UTS2: variants seen among roughly 807,000 people sequenced by gnomAD.
UTS2 encodes urotensin 2.
Under a neutral mutation model 12.6 loss-of-function variants are expected in UTS2, and 10 were observed. The observed-to-expected ratio is 0.80, with a 90% CI of 0.49 to 1.35. The LOEUF is 1.35. Ranked by LOEUF, UTS2 falls within the 40% of genes most tolerant of loss-of-function variation. The pLI, the probability that UTS2 is intolerant of heterozygous loss-of-function variation, is 0.00. For synonymous variants in UTS2, 52 were observed against 50.0 expected (o/e 1.04, Z -0.17); for missense variants, 142 against 143.2 (o/e 0.99, Z 0.04).
At chr1:7,863,940 C>G in the UTS2 span, among the ~76,000 whole-genome samples, 2 of 152,340 alleles carry the variant, frequency 1.3e-5, no homozygotes, top group African/African-American at 4.8e-5. Flanking sequence ...GCGGGGCCTC[C>G]CTCTCCACGT....
chr1:7,853,157 G>T, upstream of UTS2: 1 of 1,484,324 alleles, frequency 6.7e-7, no homozygotes, highest in Non-Finnish European at 9.0e-7. Flanking sequence ...TATTGGCTAT[G>T]GAGGCTAAAA....
At chr1:7,880,586 C>T in the UTS2 span, among the ~76,000 whole-genome samples, 6 of 152,060 alleles carry the variant, frequency 3.9e-5, no homozygotes, top group Non-Finnish European at 8.8e-5. Flanking sequence ...AATTATTGGA[C>T]ACATACAACC....
At chr1:7,904,441 C>G in the UTS2 span, among the ~76,000 whole-genome samples, 160 of 151,448 alleles carry the variant, frequency 1.1e-3, no homozygotes, top group African/African-American at 3.7e-3. Context: ...TGTGCCACTG[C>G]ACTCCAACTT....
chr1:7,889,815 A>C, the UTS2 span, among the ~76,000 whole-genome samples: 13 of 151,786 alleles, frequency 8.6e-5, no homozygotes, highest in East Asian at 3.9e-4. Flanking sequence ...GCCTGTAATC[A>C]CAGCACTTTG....
At chr1:7,879,285 TA>T in the UTS2 span, among the ~76,000 whole-genome samples, 4 of 152,172 alleles carry the variant, frequency 2.6e-5, no homozygotes, top group Admixed American at 6.5e-5. Context: ...GACAAATTTT[TA>T]AAAGTCAAAA....
the UTS2 span, among the ~76,000 whole-genome samples, chr1:7,870,171 T>A: frequency 6.6e-6 from 1 of 152,182 alleles, no homozygotes; most frequent in Non-Finnish European, 1.5e-5. Context: ...CCTTCAAAGG[T>A]GGCTGTATTT....
upstream of UTS2, chr1:7,853,420 G>A (rs147322701): frequency 1.8e-4 from 297 of 1,613,280 alleles, no homozygotes; most frequent in Non-Finnish European, 2.4e-4. Context: ...GATGAAATAC[G>A]TTGGTTTCCA....
At chr1:7,861,354 A>G in the UTS2 span, among the ~76,000 whole-genome samples, 1 of 151,958 alleles carries the variant, frequency 6.6e-6, no homozygotes, top group Non-Finnish European at 1.5e-5. Flanking sequence ...CTTTGACAAG[A>G]GCCGTTTTGG....
At chr1:7,867,654 T>C in the UTS2 span, among the ~76,000 whole-genome samples, 4 of 152,012 alleles carry the variant, frequency 2.6e-5, no homozygotes, top group East Asian at 7.8e-4. Context: ...AGGCGAGTGG[T>C]CCCTTGAGGT....
At chr1:7,885,757 G>A in the UTS2 span, among the ~76,000 whole-genome samples, 1 of 152,018 alleles carries the variant, frequency 6.6e-6, no homozygotes. Flanking sequence ...GGTGAGCAGA[G>A]CTAGAGGGCG....
At chr1:7,889,421 AAC>A in the UTS2 span, among the ~76,000 whole-genome samples, 1,482 of 140,054 alleles carry the variant, frequency 0.011, 23 homozygotes, top group African/African-American at 0.037. Context: ...TAGTGTGGGC[AAC>A]AGAGCAAGAT....
intron 3 of UTS2, 35 bp from the exon 4 acceptor site, chr1:7,847,917 AAAAC>A: frequency 6.8e-7 from 1 of 1,463,398 alleles, no homozygotes; most frequent in Non-Finnish European, 9.5e-7. Flanking sequence ...ACAACAAAAA[AAAAC>A]AGATAAGTTA....
the UTS2 span, among the ~76,000 whole-genome samples, chr1:7,890,883 G>A: frequency 1.3e-5 from 2 of 150,264 alleles, no homozygotes; most frequent in African/African-American, 4.9e-5. Context: ...CTGTTCCTGG[G>A]TATTTACCTG....
the UTS2 span, among the ~76,000 whole-genome samples, chr1:7,895,197 T>C: frequency 2.0e-5 from 3 of 151,954 alleles, no homozygotes; most frequent in Non-Finnish European, 2.9e-5. Context: ...GGGGAAACCC[T>C]GTCTCTACTA....
chr1:7,865,415 CGGTCCCTCTGTGTGTCTGTCTGTCCG>C, the UTS2 span, among the ~76,000 whole-genome samples: 69 of 34,042 alleles, frequency 2.0e-3, 3 homozygotes, highest in African/African-American at 6.3e-3. Context: ...CCTCCCACAG[CGGTCCCTCTGTGTGTCTGTCTGTCCG>C]ATACCATCTT....
At chr1:7,870,286 G>A in the UTS2 span, among the ~76,000 whole-genome samples, 22 of 152,128 alleles carry the variant, frequency 1.4e-4, no homozygotes, top group African/African-American at 4.8e-4. Flanking sequence ...ACAGAGGGAC[G>A]ACCGAGTGAG....
chr1:7,906,449 GAGAAAGAAAGAA>G, the UTS2 span, among the ~76,000 whole-genome samples: 326 of 73,276 alleles, frequency 4.4e-3, 3 homozygotes, highest in Middle Eastern at 0.018. Context: ...GAAAGAAAAA[GAGAAAGAAAGAA>G]AGAAAGAAAG....
At chr1:7,850,767 G>C (rs749652622) in intron 2 of UTS2, 45 bp downstream of exon 2, 1 of 1,581,204 alleles carries the variant, frequency 6.3e-7, no homozygotes, top group South Asian at 1.1e-5. Flanking sequence ...GGTAAGTTCA[G>C]TAGCAATTAA....
chr1:7,898,742 A>G, the UTS2 span, among the ~76,000 whole-genome samples: 2 of 152,042 alleles, frequency 1.3e-5, no homozygotes, highest in South Asian at 4.2e-4. Flanking sequence ...CTCCCAGAAT[A>G]TAGAGTTATA....
Sources: allele counts gnomAD v4.1 joint callset (sites outside exome capture counted in the v4.1 genomes callset), GRCh38; gene constraint gnomAD v4.1.1; transcripts MANE v1.5; gene names NCBI Gene and HGNC (gene_info 2026-07-23, HGNC 2026-07-21).